FAIM: variants seen among roughly 807,000 people sequenced by gnomAD.
The protein encoded by FAIM is Fas apoptotic inhibitory molecule, also known as fas apoptotic inhibitory molecule 1.
FAIM carries 14 observed loss-of-function variants against 21.2 expected under a neutral mutation model. The ratio of observed to expected loss-of-function variants is 0.66; its 90% CI spans 0.44 to 1.03. The LOEUF (loss-of-function observed/expected upper bound fraction) is 1.03. Ranked by LOEUF, FAIM falls within the 50% of genes least tolerant of loss-of-function variation. The pLI is 0.00. For missense variants in FAIM, 222 were observed against 247.1 expected (o/e 0.90, Z 0.68); for synonymous variants, 86 against 80.4 (o/e 1.07, Z -0.37).
At chr3:138,632,796 CTTTG>C (rs1274674707) in intron 5 of FAIM, 130 bp from the exon 6 acceptor site, 8 of 834,176 alleles carry the variant, frequency 9.6e-6, no homozygotes, top group East Asian at 2.9e-5. Context: ...AAGCTTTAGA[CTTTG>C]TTTTTCAAAG....
intron 1 of FAIM, among the ~76,000 whole-genome samples, chr3:138,617,763 A>G (rs867438928): frequency 4.1e-5 from 6 of 145,360 alleles, no homozygotes; most frequent in African/African-American, 1.2e-4. Flanking sequence ...ATGTATGTAT[A>G]TAGTATCTAC....
intron 4 of FAIM, among the ~76,000 whole-genome samples, chr3:138,622,780 T>C (rs913038893): frequency 6.6e-6 from 1 of 152,170 alleles, no homozygotes; most frequent in African/African-American, 2.4e-5. Context: ...GACTCATGCT[T>C]GTAATCCCAG....
Position 138,621,379 on chromosome 3 carries a change from C to A in FAIM, c.45-28C>A, listed in dbSNP as rs1186294878. ...GTTATTTAATTAGTATTTTGGCCTA[C>A]TATAATTGCTTTATTTTATTCCTTT... On this transcript the variant is annotated intron_variant, in intron 2 of 5. Transcript: ENST00000360570. The A allele has an allele frequency of 6.8e-6, 11 of 1,609,448 alleles. No homozygotes were observed. The Admixed American group carries it at 1.5e-4, about 22-fold the overall frequency.
At chr3:138,628,742 C>G (rs991946945) in intron 4 of FAIM, among the ~76,000 whole-genome samples, 4 of 152,140 alleles carry the variant, frequency 2.6e-5, no homozygotes, top group Non-Finnish European at 5.9e-5. Flanking sequence ...CTCAGTCTCC[C>G]AAAGTGCTGG....
intron 4 of FAIM, among the ~76,000 whole-genome samples, chr3:138,623,443 G>T (rs1440774231): frequency 2.0e-5 from 3 of 152,156 alleles, no homozygotes; most frequent in Non-Finnish European, 4.4e-5. Context: ...ATGGCTCACT[G>T]CAGCCTTGTC....
At chr3:138,615,411 TG>T (rs2042815899) in intron 1 of FAIM, among the ~76,000 whole-genome samples, 1 of 152,244 alleles carries the variant, frequency 6.6e-6, no homozygotes, top group Admixed American at 6.5e-5. Flanking sequence ...GATATTACTT[TG>T]TATAGACCAT....
chr3:138,616,161 T>G (rs868176196), intron 1 of FAIM, among the ~76,000 whole-genome samples: 2 of 152,098 alleles, frequency 1.3e-5, no homozygotes, highest in Non-Finnish European at 2.9e-5. Flanking sequence ...CCAGGTGATT[T>G]TATTGTTTTT....
Position 138,619,725 on chromosome 3 carries a change from C to T in FAIM, c.-2C>T. ...TTGGATTAAAGACTGTTTTTGCCAA[C>T]CATGGCATCTGGAGATGACAGTCCT... On this transcript the variant is annotated 5_prime_UTR_variant, in exon 2 of 6. Coordinates refer to ENST00000360570, the MANE Select transcript of FAIM (RefSeq NM_001033031.2). 6.2e-7 allele frequency: 1 copy of T among 1,613,036 alleles called. No homozygotes were observed.
At chr3:138,610,975 A>G in intron 1 of FAIM, 1 of 1,613,636 alleles carries the variant, frequency 6.2e-7, no homozygotes, top group South Asian at 1.1e-5. Context: ...TTCCCTTTAT[A>G]AGGACACTCC....
intron 1 of FAIM, among the ~76,000 whole-genome samples, chr3:138,613,011 C>CTT (rs35341179): frequency 2.8e-5 from 4 of 142,048 alleles, no homozygotes; most frequent in African/African-American, 1.1e-4. Context: ...AGTCCTTTGC[C>CTT]TTTTTTTTTT....
intron 1 of FAIM, among the ~76,000 whole-genome samples, chr3:138,617,400 TATATATAATATGTATATATA>T (rs1324412029): frequency 6.8e-6 from 1 of 146,162 alleles, no homozygotes; most frequent in Non-Finnish European, 1.5e-5. Context: ...ATGTATATAT[TATATATAATATGTATATATA>T]ATAAATATAA....
chr3:138,625,708 A>G (rs961676302), intron 4 of FAIM, among the ~76,000 whole-genome samples: 18 of 152,310 alleles, frequency 1.2e-4, no homozygotes, highest in Middle Eastern at 3.4e-3. Context: ...TGTGCCAGAT[A>G]CTATACTAGG....
chr3:138,620,077 CAG>C (rs767916684), intron 2 of FAIM, among the ~76,000 whole-genome samples: 8 of 152,170 alleles, frequency 5.3e-5, no homozygotes, highest in Non-Finnish European at 1.2e-4. Flanking sequence ...TTAGAGCGTA[CAG>C]AGGAGATTAG....
At position 138,611,042 on chromosome 3, in the gene FAIM, G is replaced by A. The variant is rs751187212; in HGVS notation, c.-17+2105G>A. ...TCCGGACTCTGCCACTCTGAGGTTA[G>A]TGCCCTGCCCAGAGCCTGGTACATA... On this transcript the variant is annotated intron_variant, in intron 1 of 5. Transcript: ENST00000360570. 9.3e-6 allele frequency: 15 copies of A among 1,609,220 alleles called. No homozygotes were observed. In the African/African-American group the frequency reaches 9.4e-5, roughly 10 times the overall value.
At chr3:138,619,828 CAA>C (rs1380485644) in intron 2 of FAIM, 58 bp downstream of exon 2, 2 of 1,458,248 alleles carry the variant, frequency 1.4e-6, no homozygotes, top group Non-Finnish European at 1.9e-6. Flanking sequence ...TGTTATCATT[CAA>C]AAGAGTGATT....
intron 5 of FAIM, chr3:138,629,870 T>C (rs2042985710): frequency 1.3e-5 from 2 of 152,214 alleles, no homozygotes; most frequent in Non-Finnish European, 2.9e-5. Context: ...GTGTTTGACT[T>C]TTGCTATCAG....
chr3:138,629,787 A>G (rs1281113403), intron 5 of FAIM: 1 of 152,266 alleles, frequency 6.6e-6, no homozygotes, highest in Non-Finnish European at 1.5e-5. Context: ...AGCAGTGCCA[A>G]TGCGAGGAGA....
chr3:138,631,602 C>G (rs1050302720), intron 5 of FAIM, among the ~76,000 whole-genome samples: 5 of 152,174 alleles, frequency 3.3e-5, no homozygotes, highest in Admixed American at 3.3e-4. Context: ...CATATCTAGG[C>G]AGCCTTCCCC....
chr3:138,610,139 A>G (rs907500860), intron 1 of FAIM, among the ~76,000 whole-genome samples: 4 of 152,156 alleles, frequency 2.6e-5, no homozygotes, highest in Non-Finnish European at 4.4e-5. Flanking sequence ...CTTAGTAACT[A>G]CTATCATCTA....
Sources: allele counts gnomAD v4.1 joint callset (sites outside exome capture counted in the v4.1 genomes callset), GRCh38; gene constraint gnomAD v4.1.1; transcripts MANE v1.5; gene names NCBI Gene and HGNC (gene_info 2026-07-23, HGNC 2026-07-21).